Variants in PHEX observed in about 807,000 individuals in gnomAD.
The protein encoded by PHEX is phosphate-regulating neutral endopeptidase PHEX.
A neutral mutation model predicts 68.0 loss-of-function variants in PHEX; 16 were observed. The observed-to-expected ratio is 0.24, with a 90% CI of 0.16 to 0.36. The LOEUF (loss-of-function observed/expected upper bound fraction) is 0.36. Ranked by LOEUF, PHEX falls within the 10% of genes least tolerant of loss-of-function variation. The probability of loss-of-function intolerance (pLI) is 1.00; values close to 1 mark genes in which losing one functional copy is unlikely to be tolerated. For missense variants in PHEX, 480 were observed against 575.5 expected (o/e 0.83, Z 1.70); for synonymous variants, 208 against 205.1 (o/e 1.01, Z -0.12).
intron 6 of PHEX, 121 bp downstream of exon 6, chrX:22,090,618 A>G (rs780814767): frequency 5.5e-5 from 29 of 525,478 alleles, no homozygotes; most frequent in Non-Finnish European, 9.5e-5. Context: ...CATATTCCCA[A>G]TGCAGGAAGA....
chrX:22,100,822 A>T (rs1392438093), intron 9 of PHEX, among the ~76,000 whole-genome samples: 1 of 111,807 alleles, frequency 8.9e-6, no homozygotes, highest in Non-Finnish European at 1.9e-5. Context: ...TAGAAAAAAC[A>T]TAGATGGAAA....
At chrX:22,077,956 T>C (rs1031847193) in intron 5 of PHEX, among the ~76,000 whole-genome samples, 3 of 112,023 alleles carry the variant, frequency 2.7e-5, no homozygotes, top group Non-Finnish European at 3.8e-5. Flanking sequence ...ATATGCCTAC[T>C]CAGAGCAAGC....
At chrX:22,226,993 C>G (rs977639231) in intron 19 of PHEX, among the ~76,000 whole-genome samples, 1 of 111,952 alleles carries the variant, frequency 8.9e-6, no homozygotes, top group African/African-American at 3.2e-5. Flanking sequence ...AAATAAGAAG[C>G]ATAAAGATAA....
intron 11 of PHEX, among the ~76,000 whole-genome samples, chrX:22,127,891 G>T (rs1230856079): frequency 9.0e-6 from 1 of 111,155 alleles, no homozygotes; most frequent in Non-Finnish European, 1.9e-5. Flanking sequence ...CAGAGGTGGT[G>T]GGGGCAGGGG....
intron 12 of PHEX, among the ~76,000 whole-genome samples, chrX:22,153,411 G>A (rs780681729): frequency 1.8e-5 from 2 of 112,123 alleles, no homozygotes; most frequent in Admixed American, 1.9e-4. Context: ...TGTTCATGGC[G>A]CTACTTGGAT....
intron 3 of PHEX, among the ~76,000 whole-genome samples, chrX:22,068,656 A>C (rs1192057678): frequency 8.9e-6 from 1 of 112,147 alleles, no homozygotes; most frequent in Non-Finnish European, 1.9e-5. Flanking sequence ...GTTTCTTAGG[A>C]TTGCTGGGCA....
At chrX:22,238,962 T>G (rs752526701) in intron 20 of PHEX, among the ~76,000 whole-genome samples, 4 of 111,433 alleles carry the variant, frequency 3.6e-5, no homozygotes, top group Non-Finnish European at 7.5e-5. Flanking sequence ...CTGACAAACA[T>G]CTCATACAGG....
At chrX:22,118,148 A>G (rs1931314359) in intron 11 of PHEX, among the ~76,000 whole-genome samples, 1 of 109,945 alleles carries the variant, frequency 9.1e-6, no homozygotes, top group Non-Finnish European at 1.9e-5. Flanking sequence ...TACATAAATC[A>G]CGTGAGCATC....
Position 22,209,973 on chromosome X carries a change from A to G in PHEX, c.1646-2931A>G, listed in dbSNP as rs1039666695. On this transcript the variant is annotated intron_variant, in intron 15 of 21. Transcript: ENST00000379374. Reference sequence around the variant, plus strand: ...AAAAAAAATAAATAAATAAAAATAAAAAGGAAATAAAATGGATATGAAAGA... The same window carrying G: ...AAAAAAAATAAATAAATAAAAATAAGAAGGAAATAAAATGGATATGAAAGA... Among the ~76,000 whole-genome samples, 50 of 111,054 alleles carry G rather than the reference A, an allele frequency of 4.5e-4. 1 individual carries two copies. Among genetic ancestry groups the G allele is most frequent in the East Asian group, 3.3e-3 (12 of 3,608 alleles).
At chrX:22,121,219 T>G (rs1234058551) in intron 11 of PHEX, among the ~76,000 whole-genome samples, 1 of 112,137 alleles carries the variant, frequency 8.9e-6, no homozygotes, top group Non-Finnish European at 1.9e-5. Flanking sequence ...GGAGAAAGAT[T>G]AGGCCCAACT....
rs375707069 is a variant in PHEX, at chrX:22,047,133, A to C, written c.271A>C (p.Asn91His). Residue 91 changes from asparagine (N) to histidine (H), a missense_variant, in exon 3 of 22, where the codon AAT becomes CAT. Transcript: ENST00000379374. Reference sequence around the variant, plus strand: ...GTTCGCTTGTGATGGCTGGATAAGCAATAATCCAATTCCCGAAGATATGCC... The same window carrying C: ...GTTCGCTTGTGATGGCTGGATAAGCCATAATCCAATTCCCGAAGATATGCC... ...FRFACDGWISNNPIPEDMPSY... is the reference protein window; with the variant it reads ...FRFACDGWISHNPIPEDMPSY... 1.7e-6 allele frequency: 2 copies of C among 1,204,634 alleles called. No individual in the cohort carries two copies. The highest frequency in any genetic ancestry group is 2.2e-6 in the Non-Finnish European group (2 of 888,896).
At chrX:22,170,506 G>A (rs1933486334) in intron 13 of PHEX, among the ~76,000 whole-genome samples, 1 of 111,440 alleles carries the variant, frequency 9.0e-6, no homozygotes, top group African/African-American at 3.3e-5. Context: ...ATTTCTGGGA[G>A]GATCAAATAA....
chrX:22,102,605 A>G (rs980448364), intron 9 of PHEX, among the ~76,000 whole-genome samples: 1 of 112,346 alleles, frequency 8.9e-6, no homozygotes, highest in Admixed American at 9.4e-5. Context: ...CCCCATCACC[A>G]CCACAAGGAG....
intron 2 of PHEX, among the ~76,000 whole-genome samples, chrX:22,038,825 G>A (rs1355667277): frequency 9.0e-6 from 1 of 111,714 alleles, no homozygotes; most frequent in Non-Finnish European, 1.9e-5. Context: ...CCCACAGGCA[G>A]AGAACATTGG....
chrX:22,043,649 A>T (rs1356672510), intron 2 of PHEX, among the ~76,000 whole-genome samples: 2 of 111,440 alleles, frequency 1.8e-5, no homozygotes, highest in Non-Finnish European at 3.8e-5. Context: ...TGGTGATTTT[A>T]TTATTGTTAA....
chrX:22,235,575 T>A (rs1935945002), intron 20 of PHEX, among the ~76,000 whole-genome samples: 1 of 111,087 alleles, frequency 9.0e-6, no homozygotes. Context: ...GGCCTCTTCT[T>A]ATAAGGGTAC....
At chrX:22,232,421 C>G (rs991225480) in intron 20 of PHEX, among the ~76,000 whole-genome samples, 22 of 109,810 alleles carry the variant, frequency 2.0e-4, no homozygotes, top group African/African-American at 7.3e-4. Flanking sequence ...TTGTAGGTCT[C>G]TAAGGACTTG....
chrX:22,248,853 G>T lies in PHEX; in HGVS notation c.*900G>T, dbSNP rs918980021. ...TTCATTACCTTCATATGTGTGCATT[G>T]TACTGGTTTTGAAATGAGCAGACAT... On this transcript the variant is annotated 3_prime_UTR_variant, in exon 22 of 22. Coordinates refer to ENST00000379374, the MANE Select transcript of PHEX (RefSeq NM_000444.6). The T allele has an allele frequency of 7.2e-5, 8 of 110,902 alleles. No homozygotes were observed. Among genetic ancestry groups the T allele is most frequent in the African/African-American group, 2.6e-4 (8 of 30,429 alleles). The allele number at this position is 110,902 out of a possible 1,213,427, so 9.1% of individuals were successfully genotyped here. A position where few individuals can be genotyped will look rare whatever the true frequency, so the allele number is the denominator to read the frequency against.
rs764771688 is a variant in PHEX at position 22,178,305 on chromosome X, C to T, written c.1515C>T (p.Asn505=). 1.5e-4 allele frequency: 186 copies of T among 1,201,458 alleles called. No homozygotes were observed. The highest frequency in any genetic ancestry group is 2.0e-4 in the Non-Finnish European group (182 of 888,523). Residue 505 remains asparagine (N), a synonymous_variant, in exon 14 of 22, where the codon AAC becomes AAT. Transcript: ENST00000379374. The part of the protein sequence containing the change: ...IKFSEADYFG[N]VLQTRKYLAQ... ...TTTCAGAAGCCGACTACTTTGGCAA[C>T]GTCCTACAAACTCGCAAGTATTTAG...
Sources: gnomAD v4.1 joint callset for allele counts (sites outside exome capture counted in the v4.1 genomes callset) on GRCh38, gnomAD v4.1.1 for gene constraint, MANE v1.5 for transcripts, NCBI Gene and HGNC (gene_info 2026-07-23, HGNC 2026-07-21) for gene names.